The following CNTNAP5 variants were observed in gnomAD, a reference collection of about 807,000 sequenced individuals.
CNTNAP5 encodes contactin associated protein family member 5.
A neutral mutation model predicts 150.2 loss-of-function variants in CNTNAP5; 72 were observed. That is an observed-to-expected ratio of 0.48 (90% CI 0.40 to 0.58). The LOEUF is 0.58. Ranked by LOEUF, CNTNAP5 falls within the 20% of genes least tolerant of loss-of-function variation. CNTNAP5 has a pLI of 0.00. For missense variants in CNTNAP5, 1,636 were observed against 1,626.2 expected, an observed-to-expected ratio of 1.01 and a Z score of -0.10; for synonymous variants, 672 against 619.8, an observed-to-expected ratio of 1.08 and a Z score of -1.25.
chr2:124,089,844 AT>A (rs1289965811), intron 1 of CNTNAP5, among the ~76,000 whole-genome samples: 1 of 152,210 alleles, frequency 6.6e-6, no homozygotes, highest in African/African-American at 2.4e-5. Context: ...TGGCCTCACT[AT>A]TATCCTAGCT....
At chr2:124,333,230 T>C (rs1174441946) in intron 3 of CNTNAP5, among the ~76,000 whole-genome samples, 1 of 151,946 alleles carries the variant, frequency 6.6e-6, no homozygotes, top group Non-Finnish European at 1.5e-5. Context: ...GATCGCACCA[T>C]GGCACTCCAA....
At chr2:124,896,698 C>A (rs1446110837) in intron 21 of CNTNAP5, among the ~76,000 whole-genome samples, 1 of 151,364 alleles carries the variant, frequency 6.6e-6, no homozygotes, top group East Asian at 1.9e-4. Flanking sequence ...ACCACCATGT[C>A]CCGCTAATTT....
At chr2:124,688,322 A>AT (rs1267831425) in intron 13 of CNTNAP5, among the ~76,000 whole-genome samples, 1 of 151,900 alleles carries the variant, frequency 6.6e-6, no homozygotes, top group African/African-American at 2.4e-5. Flanking sequence ...TCTAGACCTT[A>AT]TTTTTTCCTT....
At chr2:124,476,142 A>T (rs1558919031) in intron 7 of CNTNAP5, among the ~76,000 whole-genome samples, 1 of 152,092 alleles carries the variant, frequency 6.6e-6, no homozygotes, top group Non-Finnish European at 1.5e-5. Flanking sequence ...CCTAATTTCC[A>T]TTGACATCCC....
In CNTNAP5 at chr2:124,676,992, T is replaced by G. The variant is rs1370786515; in HGVS notation, c.2077+29034T>G. Reference sequence around the variant, plus strand: ...TGGAGCATCTCAGTTCTTGACATTTTGGAAGACATAATATGTCCGGAATTG... The same window carrying G: ...TGGAGCATCTCAGTTCTTGACATTTGGGAAGACATAATATGTCCGGAATTG... On this transcript the variant is annotated intron_variant, in intron 13 of 23. Transcript: ENST00000682447. 2.0e-5 allele frequency among the ~76,000 whole-genome samples: 3 copies of G among 152,222 alleles called. No individual in the cohort carries two copies. In the East Asian group the frequency reaches 5.8e-4, roughly 29 times the overall value.
At chr2:124,066,469 T>C (rs1682158164) in intron 1 of CNTNAP5, among the ~76,000 whole-genome samples, 1 of 152,110 alleles carries the variant, frequency 6.6e-6, no homozygotes, top group Non-Finnish European at 1.5e-5. Context: ...CATCTGAGCA[T>C]TGGATAAATA....
intron 11 of CNTNAP5, among the ~76,000 whole-genome samples, chr2:124,578,307 G>C (rs999599821): frequency 4.0e-5 from 6 of 150,694 alleles, no homozygotes; most frequent in African/African-American, 1.5e-4. Flanking sequence ...TCCAGTCTGG[G>C]GGACAAGAGC....
chr2:124,561,472 A>G (rs1573460031), intron 10 of CNTNAP5, among the ~76,000 whole-genome samples: 1 of 152,240 alleles, frequency 6.6e-6, no homozygotes, highest in African/African-American at 2.4e-5. Flanking sequence ...CACCAAGACC[A>G]GGAGAGTGGG....
intron 7 of CNTNAP5, among the ~76,000 whole-genome samples, chr2:124,485,612 C>CAAAAAAAAAAAAAAAAAA (rs576700912): frequency 1.9e-5 from 1 of 52,394 alleles, no homozygotes; most frequent in African/African-American, 8.5e-5. Flanking sequence ...GACTCTGTCT[C>CAAAAAAAAAAAAAAAAAA]AAAAAAAAAA....
At chr2:124,622,877 G>A (rs962851063) in intron 12 of CNTNAP5, among the ~76,000 whole-genome samples, 2 of 152,140 alleles carry the variant, frequency 1.3e-5, no homozygotes, top group Non-Finnish European at 1.5e-5. Context: ...GTTGTCATTT[G>A]ATTACAGACT....
At chr2:124,407,535 TA>T (rs1691605668) in intron 3 of CNTNAP5, among the ~76,000 whole-genome samples, 1 of 152,140 alleles carries the variant, frequency 6.6e-6, no homozygotes, top group African/African-American at 2.4e-5. Context: ...AGAGACTCAA[TA>T]ACTCAATGAG....
chr2:124,464,520 C>T lies in CNTNAP5; in HGVS notation c.919-10219C>T, dbSNP rs143975557. On this transcript the variant is annotated intron_variant, in intron 6 of 23. Coordinates refer to ENST00000682447, the MANE Select transcript of CNTNAP5 (RefSeq NM_001367498.1). ...AATAAGGCATGATATGTACTACGAG[C>T]ATATTAAAGTGACAGACATCAGAAG... 1.5e-4 allele frequency among the ~76,000 whole-genome samples: 23 copies of T among 152,174 alleles called. No homozygotes were observed. In the East Asian group the frequency reaches 4.3e-3, roughly 28 times the overall value.
chr2:124,620,762 CACACACACACACAT>C (rs1677596532), intron 12 of CNTNAP5, among the ~76,000 whole-genome samples: 1 of 143,450 alleles, frequency 7.0e-6, no homozygotes, highest in Non-Finnish European at 1.5e-5. Context: ...CACACACACA[CACACACACACACAT>C]ATATATGCAA....
intron 14 of CNTNAP5, among the ~76,000 whole-genome samples, chr2:124,750,940 C>T (rs543137593): frequency 1.6e-4 from 23 of 145,548 alleles, no homozygotes; most frequent in East Asian, 2.1e-4. Flanking sequence ...GCCGAGATCG[C>T]GCCACTGCAC....
At chr2:124,709,289 G>A (rs886376847) in intron 13 of CNTNAP5, among the ~76,000 whole-genome samples, 1 of 151,700 alleles carries the variant, frequency 6.6e-6, no homozygotes, top group African/African-American at 2.4e-5. Context: ...AAATAAAAAT[G>A]TCTATGAGGG....
intron 4 of CNTNAP5, among the ~76,000 whole-genome samples, chr2:124,427,843 G>C (rs1692277064): frequency 6.6e-6 from 1 of 151,986 alleles, no homozygotes; most frequent in Non-Finnish European, 1.5e-5. Context: ...CACTGCCCTT[G>C]GCACCCTACA....
intron 4 of CNTNAP5, among the ~76,000 whole-genome samples, chr2:124,426,137 CAG>C (rs2104786719): frequency 6.6e-6 from 1 of 151,180 alleles, no homozygotes; most frequent in African/African-American, 2.4e-5. Flanking sequence ...GACTGGAATT[CAG>C]AGTTTTGATT....
intron 13 of CNTNAP5, among the ~76,000 whole-genome samples, chr2:124,690,887 G>T (rs941514285): frequency 4.6e-5 from 7 of 151,986 alleles, no homozygotes; most frequent in Non-Finnish European, 7.4e-5. Flanking sequence ...TTATCATGTT[G>T]CTATACGGGC....
chr2:124,268,574 T>C (rs570026157), intron 3 of CNTNAP5, among the ~76,000 whole-genome samples: 8 of 152,218 alleles, frequency 5.3e-5, no homozygotes, highest in African/African-American at 1.4e-4. Context: ...ACTTAAATAA[T>C]TTGTGTTCTC....
Sources: gnomAD v4.1 joint callset for allele counts (sites outside exome capture counted in the v4.1 genomes callset) on GRCh38, gnomAD v4.1.1 for gene constraint, MANE v1.5 for transcripts, NCBI Gene and HGNC (gene_info 2026-07-23, HGNC 2026-07-21) for gene names.